Variants in SMIM36 observed in about 807,000 individuals in gnomAD.
SMIM36 encodes the protein small integral membrane protein 36.
upstream of SMIM36, among the ~76,000 whole-genome samples, chr17:55,515,084 GTGTTTTTTTTTT>G (rs1250131781): frequency 0.12 from 6,610 of 56,108 alleles, 691 homozygotes; most frequent in African/African-American, 0.2. Context: ...TTCTAGTCTA[GTGTTTTTTTTTT>G]TTTTTTTTTT....
rs143641170 is a variant in SMIM36 at position 55,493,771 on chromosome 17, C to T, written c.*175-14191G>A. 9.1e-5 allele frequency among the ~76,000 whole-genome samples: 13 copies of T among 142,484 alleles called. No individual in the cohort carries two copies. In the East Asian group the frequency reaches 2.7e-3, roughly 30 times the overall value. The allele number at this position is 142,484 out of a possible 152,430, so 93.5% of individuals were successfully genotyped here. On this transcript the variant is annotated intron_variant, in intron 1 of 4. Transcript: ENST00000636752. The stretch of plus-strand genomic sequence containing the variant: ...GCTCCAGTGACCCGAGATCGCGCCA[C>T]TGCACTCCAGCATGGGCAGCAGAGC...
chr17:55,480,547 G>C (rs1278995395), intron 1 of SMIM36, among the ~76,000 whole-genome samples: 1 of 152,138 alleles, frequency 6.6e-6, no homozygotes, highest in Non-Finnish European at 1.5e-5. Flanking sequence ...GATTTTTTGG[G>C]GGGATGCATT....
chr17:55,479,057 G>A (rs572041738), intron 2 of SMIM36, among the ~76,000 whole-genome samples: 7 of 152,196 alleles, frequency 4.6e-5, no homozygotes, highest in South Asian at 2.1e-4. Context: ...ATAGGATAGC[G>A]TCACCCACAA....
chr17:55,526,479 C>T, the SMIM36 span, among the ~76,000 whole-genome samples: 2 of 152,036 alleles, frequency 1.3e-5, no homozygotes, highest in Non-Finnish European at 2.9e-5. Flanking sequence ...ATTATTATCC[C>T]CATGTTATAG....
At chr17:55,519,954 A>G in the SMIM36 span, among the ~76,000 whole-genome samples, 1 of 152,094 alleles carries the variant, frequency 6.6e-6, no homozygotes, top group Admixed American at 6.5e-5. Flanking sequence ...AAAATTGGCT[A>G]TTTATTCTTT....
At chr17:55,473,503 C>T (rs1312897869) in intron 3 of SMIM36, among the ~76,000 whole-genome samples, 1 of 152,120 alleles carries the variant, frequency 6.6e-6, no homozygotes, top group Admixed American at 6.5e-5. Context: ...TGACAGTGGT[C>T]CGGCCTTTAT....
intron 1 of SMIM36, among the ~76,000 whole-genome samples, chr17:55,480,513 A>G (rs1909500948): frequency 6.6e-6 from 1 of 152,174 alleles, no homozygotes; most frequent in African/African-American, 2.4e-5. Flanking sequence ...TCTCCAGGTG[A>G]TTCTGTTCAG....
At chr17:55,456,735 A>G (rs1217024452) in intron 4 of SMIM36, among the ~76,000 whole-genome samples, 1 of 152,222 alleles carries the variant, frequency 6.6e-6, no homozygotes, top group Admixed American at 6.5e-5. Flanking sequence ...AATATTTTTC[A>G]ATGTGAATCA....
chr17:55,492,003 C>CA (rs1909714686), intron 1 of SMIM36, among the ~76,000 whole-genome samples: 3 of 151,486 alleles, frequency 2.0e-5, no homozygotes, highest in Admixed American at 6.6e-5. Context: ...ACTAAAAACA[C>CA]AAAAAATTAG....
chr17:55,458,950 G>A (rs948595705), intron 4 of SMIM36, among the ~76,000 whole-genome samples: 1 of 152,208 alleles, frequency 6.6e-6, no homozygotes, highest in African/African-American at 2.4e-5. Flanking sequence ...CTTGTGATAA[G>A]GAAGAGGGTC....
chr17:55,514,390 G>T (rs560409518), upstream of SMIM36, among the ~76,000 whole-genome samples: 25 of 152,212 alleles, frequency 1.6e-4, no homozygotes, highest in African/African-American at 6.0e-4. Context: ...TGCTAGCAAG[G>T]TACTAAGCAC....
At chr17:55,477,652 T>C (rs948986981) in intron 3 of SMIM36, among the ~76,000 whole-genome samples, 10 of 152,190 alleles carry the variant, frequency 6.6e-5, no homozygotes, top group Non-Finnish European at 7.3e-5. Flanking sequence ...CACACAGATC[T>C]GGGTTCAAAT....
the SMIM36 span, among the ~76,000 whole-genome samples, chr17:55,523,745 T>G: frequency 6.6e-6 from 1 of 152,170 alleles, no homozygotes; most frequent in Non-Finnish European, 1.5e-5. Flanking sequence ...ACATCCAGCT[T>G]CAGGGAAAAG....
the SMIM36 span, among the ~76,000 whole-genome samples, chr17:55,523,224 A>G: frequency 6.6e-6 from 1 of 152,122 alleles, no homozygotes; most frequent in African/African-American, 2.4e-5. Flanking sequence ...AGGGATGTGC[A>G]TACTCAGCAA....
upstream of SMIM36, among the ~76,000 whole-genome samples, chr17:55,515,084 G>GTTTTTTTTTTTTTTTTTTTTTTT (rs1567874075): frequency 7.1e-5 from 4 of 56,104 alleles, 2 homozygotes; most frequent in South Asian, 1.4e-3. Flanking sequence ...TTCTAGTCTA[G>GTTTTTTTTTTTTTTTTTTTTTTT]TGTTTTTTTT....
the SMIM36 span, among the ~76,000 whole-genome samples, chr17:55,524,894 C>T: frequency 6.6e-6 from 1 of 152,190 alleles, no homozygotes; most frequent in African/African-American, 2.4e-5. Flanking sequence ...AGACTGAGAG[C>T]TTACTATGTG....
intron 4 of SMIM36, among the ~76,000 whole-genome samples, chr17:55,459,033 G>T (rs1160959581): frequency 6.6e-6 from 1 of 152,146 alleles, no homozygotes; most frequent in African/African-American, 2.4e-5. Context: ...GCCCACTGGG[G>T]CCTCAGGAGC....
upstream of SMIM36, among the ~76,000 whole-genome samples, chr17:55,515,019 G>A (rs868517336): frequency 2.0e-5 from 3 of 148,396 alleles, no homozygotes; most frequent in Non-Finnish European, 4.5e-5. Flanking sequence ...TGACTTTCTC[G>A]AGTCCAAACA....
intron 1 of SMIM36, among the ~76,000 whole-genome samples, chr17:55,480,031 G>A (rs978074898): frequency 6.6e-6 from 1 of 152,084 alleles, no homozygotes; most frequent in African/African-American, 2.4e-5. Context: ...CTCCCTCTGT[G>A]TAGCAGGGAA....
Sources: gnomAD v4.1 joint callset for allele counts (sites outside exome capture counted in the v4.1 genomes callset) on GRCh38, gnomAD v4.1.1 for gene constraint, MANE v1.5 for transcripts, NCBI Gene and HGNC (gene_info 2026-07-23, HGNC 2026-07-21) for gene names.